The following ZNF428 variants were observed in gnomAD, a reference collection of about 807,000 sequenced individuals.
ZNF428 encodes zinc finger protein 428.
A neutral mutation model predicts 15.6 loss-of-function variants in ZNF428; 5 were observed. The observed-to-expected ratio is 0.32, with a 90% confidence interval of 0.17 to 0.67. The LOEUF (loss-of-function observed/expected upper bound fraction) is 0.67. Ranked by LOEUF, ZNF428 falls within the 30% of genes least tolerant of loss-of-function variation. The pLI, the probability that ZNF428 is intolerant of heterozygous loss-of-function variation, is 0.73. For synonymous variants in ZNF428, 97 were observed against 102.2 expected (o/e 0.95, Z 0.31); for missense variants, 237 against 256.0 (o/e 0.93, Z 0.51).
intron 2 of ZNF428, chr19:43,613,351 G>A (rs771687315): frequency 5.8e-5 from 90 of 1,550,682 alleles, no homozygotes; most frequent in Admixed American, 1.2e-4. Context: ...CCAACAAGGC[G>A]AGAGATCGCA....
chr19:43,613,056 G>C (rs1369790997), intron 2 of ZNF428: 2 of 1,551,630 alleles, frequency 1.3e-6, no homozygotes, highest in Admixed American at 3.9e-5. Flanking sequence ...AGAAACCATA[G>C]CAGGGCAAGA....
chr19:43,617,689 A>G (rs958339814), intron 1 of ZNF428, among the ~76,000 whole-genome samples: 1 of 152,160 alleles, frequency 6.6e-6, no homozygotes, highest in Admixed American at 6.5e-5. Context: ...GAAGACATCC[A>G]ATTAATTTTT....
At chr19:43,614,056 A>G in intron 2 of ZNF428, 173 bp downstream of exon 2, 1 of 1,553,274 alleles carries the variant, frequency 6.4e-7, no homozygotes, top group Non-Finnish European at 8.7e-7. Context: ...GTCAATCTAC[A>G]GTCCCCAGAA....
intron 1 of ZNF428, among the ~76,000 whole-genome samples, chr19:43,618,884 C>T (rs146065075): frequency 3.6e-4 from 55 of 152,204 alleles, no homozygotes; most frequent in East Asian, 1.7e-3. Flanking sequence ...TGCCCATCAG[C>T]CTACACTTTT....
At chr19:43,609,382 G>GAGAGAGAGAGAGAGAGA (rs1555775028) in intron 2 of ZNF428, among the ~76,000 whole-genome samples, 4 of 151,752 alleles carry the variant, frequency 2.6e-5, no homozygotes, top group African/African-American at 9.7e-5. Context: ...GAGAGAGTTA[G>GAGAGAGAGAGAGAGAGA]GTGAATTAAA....
At position 43,614,219 on chromosome 19, in the gene ZNF428, G is replaced by C. The variant is rs1270505340; in HGVS notation, c.76+10C>G. The C allele has an allele frequency of 6.2e-7, 1 of 1,614,168 alleles. No homozygotes were observed. Among genetic ancestry groups the C allele is most frequent in the Non-Finnish European group, 8.5e-7 (1 of 1,180,028 alleles). ...TCAAGCCGACGCCACCACCTCTAAG[G>C]CCACCTTACCTGGGGAAAGGTCTTC... On this transcript the variant is annotated intron_variant, in intron 2 of 2. Transcript: ENST00000300811.
chr19:43,611,537 C>T (rs1285677855), intron 2 of ZNF428, among the ~76,000 whole-genome samples: 3 of 152,158 alleles, frequency 2.0e-5, no homozygotes, highest in Non-Finnish European at 4.4e-5. Context: ...TTAGGCTGGT[C>T]TTGAACTCCT....
At chr19:43,618,624 G>C (rs948560049) in intron 1 of ZNF428, among the ~76,000 whole-genome samples, 6 of 136,184 alleles carry the variant, frequency 4.4e-5, no homozygotes, top group Non-Finnish European at 9.2e-5. Flanking sequence ...TGCCCAGGCT[G>C]GTCTTGAACT....
chr19:43,609,015 G>T (rs1973268423), intron 2 of ZNF428, among the ~76,000 whole-genome samples: 1 of 152,118 alleles, frequency 6.6e-6, no homozygotes, highest in Non-Finnish European at 1.5e-5. Context: ...GGGGAGGTGG[G>T]GTGGGAGGCA....
At chr19:43,616,954 C>A (rs776730239) in intron 1 of ZNF428, among the ~76,000 whole-genome samples, 2 of 151,780 alleles carry the variant, frequency 1.3e-5, no homozygotes. Context: ...CCACCATGCC[C>A]GGCTAATTTT....
chr19:43,611,993 C>T, intron 2 of ZNF428: 5 of 713,282 alleles, frequency 7.0e-6, no homozygotes, highest in Non-Finnish European at 4.8e-6. Context: ...ACTCACCCTC[C>T]AGAGTCTTCA....
rs145851521 is a variant in ZNF428 at position 43,612,409 on chromosome 19, C to T, written c.76+1820G>A. ...CAAGAACACCCAGCAGGGTGAGCAC[C>T]GACACCAGGACCAGCAAAGCCAGCA... On this transcript the variant is annotated intron_variant, in intron 2 of 2. Transcript: ENST00000300811. This position sits in a 1 kb window ranked among gnomAD's most constrained non-coding sequence, Gnocchi z 4.2. 1.4e-4 allele frequency: 220 copies of T among 1,551,152 alleles called. No homozygotes were observed. The African/African-American group carries it at 2.3e-3, about 16-fold the overall frequency.
rs1267302951 is a variant in ZNF428 at position 43,612,274 on chromosome 19, A to G, written c.76+1955T>C. 1 of 1,551,590 alleles carries G rather than the reference A, an allele frequency of 6.4e-7. No individual in the cohort carries two copies. Among genetic ancestry groups the G allele is most frequent in the Admixed American group, 2.0e-5 (1 of 50,976 alleles). ...CCTTAGTGCCCACCAAACCAGCGACATCCCGTAACTCAGTCATGAGCCCAA... is the reference window on the plus strand; with the variant it reads ...CCTTAGTGCCCACCAAACCAGCGACGTCCCGTAACTCAGTCATGAGCCCAA... On this transcript the variant is annotated intron_variant, in intron 2 of 2. Transcript: ENST00000300811. This position sits in a 1 kb window ranked among gnomAD's most constrained non-coding sequence, Gnocchi z 4.2.
intron 2 of ZNF428, among the ~76,000 whole-genome samples, chr19:43,611,553 C>T (rs1444452820): frequency 6.6e-6 from 1 of 152,192 alleles, no homozygotes; most frequent in East Asian, 1.9e-4. Flanking sequence ...CTCCTGACCT[C>T]AGGTGATCTG....
intron 1 of ZNF428, among the ~76,000 whole-genome samples, chr19:43,618,444 A>T (rs562802945): frequency 6.6e-6 from 1 of 151,724 alleles, no homozygotes; most frequent in East Asian, 1.9e-4. Context: ...GTACTCCCCC[A>T]TAACCAGGTT....
At chr19:43,615,695 A>C (rs1973365443) in intron 1 of ZNF428, among the ~76,000 whole-genome samples, 1 of 152,074 alleles carries the variant, frequency 6.6e-6, no homozygotes, top group South Asian at 2.1e-4. Flanking sequence ...GACCCATCTT[A>C]CAAAAAAAAA....
intron 1 of ZNF428, among the ~76,000 whole-genome samples, chr19:43,618,807 G>C (rs1007186668): frequency 6.6e-6 from 1 of 152,010 alleles, no homozygotes; most frequent in Non-Finnish European, 1.5e-5. Flanking sequence ...ACTAGACATT[G>C]TATATTTTAT....
At chr19:43,611,299 TCC>T (rs1973293468) in intron 2 of ZNF428, among the ~76,000 whole-genome samples, 1 of 150,068 alleles carries the variant, frequency 6.7e-6, no homozygotes, top group Non-Finnish European at 1.5e-5. Flanking sequence ...TGGCCTCTGC[TCC>T]TCGCCCACCT....
Position 43,610,594 on chromosome 19 carries a change from T to C in ZNF428, c.77-2487A>G, listed in dbSNP as rs73935011. Reference sequence around the variant, plus strand: ...AGAGCTGGGACTTTGTCTGGTTCACTGCTGTGGCCCCAGCATCTAAAACAC... The same window carrying C: ...AGAGCTGGGACTTTGTCTGGTTCACCGCTGTGGCCCCAGCATCTAAAACAC... On this transcript the variant is annotated intron_variant, in intron 2 of 2. Transcript: ENST00000300811. Among the ~76,000 whole-genome samples the C allele has an allele frequency of 5.3e-3, 798 of 151,986 alleles. 6 individuals are homozygous for C. The highest frequency in any genetic ancestry group is 0.019 in the African/African-American group (768 of 41,456).
Sources: gnomAD v4.1 joint callset for allele counts (sites outside exome capture counted in the v4.1 genomes callset) on GRCh38, gnomAD v4.1.1 for gene constraint, Gnocchi (gnomAD v3.1) non-coding constraint, MANE v1.5 for transcripts, NCBI Gene and HGNC (gene_info 2026-07-23, HGNC 2026-07-21) for gene names.